The following SMIM8 variants were observed in gnomAD, a reference collection of about 807,000 sequenced individuals.
SMIM8 encodes the protein UPF0708 protein C6orf162.
SMIM8 carries 8 observed loss-of-function variants against 8.1 expected under a neutral mutation model. That is an observed-to-expected ratio of 0.99 (90% CI 0.58 to 1.78). The LOEUF is 1.78. Among genes scored for constraint, SMIM8 ranks in the 40% most tolerant of loss-of-function variants. SMIM8 has a pLI of 0.00. For synonymous variants in SMIM8, 45 were observed against 39.7 expected (o/e 1.13, Z -0.50); for missense variants, 126 against 119.8 (o/e 1.05, Z -0.24).
intron 2 of SMIM8, among the ~76,000 whole-genome samples, chr6:87,332,320 C>CATAT (rs1209129014): frequency 8.8e-4 from 82 of 93,106 alleles, no homozygotes; most frequent in African/African-American, 3.2e-3. Context: ...CCTCCCCCCC[C>CATAT]ATATATGTAT....
rs1313021647 is a variant in SMIM8, at chr6:87,328,547, T to C, written c.-44-2145T>C. Among the ~76,000 whole-genome samples the C allele has an allele frequency of 2.6e-5, 4 of 152,008 alleles. 1 individual carries two copies. Among genetic ancestry groups the C allele is most frequent in the African/African-American group, 9.7e-5 (4 of 41,278 alleles). On this transcript the variant is annotated intron_variant, in intron 1 of 3. Coordinates refer to ENST00000392863, the MANE Select transcript of SMIM8 (RefSeq NM_001042493.3). ...CAGTCTGCCCCTGCTGGAGGCTGCC[T>C]CCCAGTTAGGCTGCTCGGGGGTCAG...
chr6:87,333,832 T>G (rs759773059), intron 2 of SMIM8, among the ~76,000 whole-genome samples: 1 of 152,214 alleles, frequency 6.6e-6, no homozygotes, highest in Non-Finnish European at 1.5e-5. Context: ...TTTGCCAACC[T>G]TAGGAATTGT....
chr6:87,341,567 C>T lies in SMIM8; in HGVS notation c.*1293C>T, dbSNP rs764228351. Reference sequence around the variant, plus strand: ...CTTACCTCTGAAGTCTTGCTTCAGTCGCTATTAATATTACCAAGTAATAAT... The same window carrying T: ...CTTACCTCTGAAGTCTTGCTTCAGTTGCTATTAATATTACCAAGTAATAAT... On this transcript the variant is annotated 3_prime_UTR_variant, in exon 4 of 4. Coordinates refer to ENST00000392863, the MANE Select transcript of SMIM8 (RefSeq NM_001042493.3). 6.1e-5 allele frequency: 21 copies of T among 341,592 alleles called. No homozygotes were observed. The highest frequency in any genetic ancestry group is 1.5e-4 in the South Asian group (1 of 6,574). The allele number at this position is 341,592 out of a possible 1,614,324, so 21.2% of individuals were successfully genotyped here.
chr6:87,327,072 AGAGACTAG>A (rs1211146779), intron 1 of SMIM8, among the ~76,000 whole-genome samples: 1 of 150,922 alleles, frequency 6.6e-6, no homozygotes, highest in Admixed American at 6.6e-5. Context: ...CTGTTTTATC[AGAGACTAG>A]GATTGCAACC....
chr6:87,323,448 C>G (rs775305107), intron 1 of SMIM8, among the ~76,000 whole-genome samples: 1 of 123,648 alleles, frequency 8.1e-6, no homozygotes, highest in Non-Finnish European at 1.6e-5. Flanking sequence ...CAACAGACCT[C>G]AGAGTGTGAT....
chr6:87,328,399 T>G lies in SMIM8; in HGVS notation c.-44-2293T>G, dbSNP rs551597706. ...TTTGTGGTTTTATCTACTTTTTGTC[T>G]TTGTTGATGGTGATGTACAGATGGG... On this transcript the variant is annotated intron_variant, in intron 1 of 3. Transcript: ENST00000392863. 1.6e-3 allele frequency among the ~76,000 whole-genome samples: 251 copies of G among 152,228 alleles called. 7 individuals carry two copies. Among genetic ancestry groups the G allele is most frequent in the East Asian group, 0.015 (75 of 5,166 alleles).
At chr6:87,323,947 CTT>C (rs746305069) in intron 1 of SMIM8, among the ~76,000 whole-genome samples, 3 of 151,672 alleles carry the variant, frequency 2.0e-5, no homozygotes, top group Non-Finnish European at 4.4e-5. Flanking sequence ...TGTTTCCTGA[CTT>C]TTTAATGATT....
At chr6:87,325,564 A>G (rs1445178578) in intron 1 of SMIM8, among the ~76,000 whole-genome samples, 2 of 150,170 alleles carry the variant, frequency 1.3e-5, no homozygotes, top group Non-Finnish European at 3.0e-5. Context: ...ATGCTGGATT[A>G]CATTTATTGA....
At chr6:87,325,001 G>T (rs1776781454) in intron 1 of SMIM8, among the ~76,000 whole-genome samples, 1 of 151,906 alleles carries the variant, frequency 6.6e-6, no homozygotes, top group Non-Finnish European at 1.5e-5. Context: ...TTGTAAGTTG[G>T]ATTCCTAGGT....
chr6:87,325,365 C>T (rs2127915544), intron 1 of SMIM8, among the ~76,000 whole-genome samples: 1 of 143,578 alleles, frequency 7.0e-6, no homozygotes, highest in African/African-American at 2.7e-5. Context: ...GGGAATGCTT[C>T]CAGTTTTTGC....
chr6:87,334,895 A>G (rs1314208687), intron 2 of SMIM8, among the ~76,000 whole-genome samples: 1 of 152,198 alleles, frequency 6.6e-6, no homozygotes, highest in East Asian at 1.9e-4. Flanking sequence ...TGCTCTTGCC[A>G]GTAGACAATT....
At chr6:87,335,845 CAAAAAAAAAAAAAA>C (rs35840147) in intron 2 of SMIM8, among the ~76,000 whole-genome samples, 2 of 55,976 alleles carry the variant, frequency 3.6e-5, no homozygotes, top group Non-Finnish European at 6.5e-5. Flanking sequence ...CCGTCCCTAC[CAAAAAAAAAAAAAA>C]AAAAAAAAAA....
intron 2 of SMIM8, among the ~76,000 whole-genome samples, chr6:87,332,296 C>T (rs72918508): frequency 0.053 from 7,580 of 142,246 alleles, 252 homozygotes; most frequent in Non-Finnish European, 0.08. Flanking sequence ...CTCTCTTTCT[C>T]TTTCTCCTCC....
At chr6:87,334,374 A>G (rs1454598467) in intron 2 of SMIM8, among the ~76,000 whole-genome samples, 1 of 152,192 alleles carries the variant, frequency 6.6e-6, no homozygotes, top group Non-Finnish European at 1.5e-5. Flanking sequence ...AAAATTATTA[A>G]CTTACATGCA....
intron 1 of SMIM8, among the ~76,000 whole-genome samples, chr6:87,328,973 C>T (rs1582090586): frequency 6.6e-6 from 1 of 152,206 alleles, no homozygotes; most frequent in African/African-American, 2.4e-5. Context: ...TTTTTAAGCC[C>T]GTCGGAAAAG....
At position 87,322,963 on chromosome 6, in the gene SMIM8, A is replaced by G. The variant is rs923515386; in HGVS notation, c.-45+331A>G. On this transcript the variant is annotated intron_variant, in intron 1 of 3. Transcript: ENST00000392863. ...GTTTCTTAGTGTCTTGGCTCACCAG[A>G]CTCATAGGGGAACATGGTGGTGTTT... 4 of 151,586 alleles carry G rather than the reference A, an allele frequency of 2.6e-5. No homozygotes were observed. In the South Asian group the frequency reaches 8.4e-4, roughly 32 times the overall value. 9.4% of individuals were successfully genotyped at this position (151,586 alleles called of 1,614,324 possible). A position where few individuals can be genotyped will look rare whatever the true frequency, so the allele number is the denominator to read the frequency against.
At chr6:87,328,424 G>A (rs1776894697) in intron 1 of SMIM8, among the ~76,000 whole-genome samples, 1 of 151,966 alleles carries the variant, frequency 6.6e-6, no homozygotes, top group Middle Eastern at 3.2e-3. Context: ...GTACAGATGG[G>A]TTTTTGGTGT....
At chr6:87,323,285 T>A (rs963416303) in intron 1 of SMIM8, among the ~76,000 whole-genome samples, 5 of 152,128 alleles carry the variant, frequency 3.3e-5, no homozygotes, top group Non-Finnish European at 5.9e-5. Flanking sequence ...TTTATTTATT[T>A]GTTATTATTA....
At chr6:87,337,294 A>C in intron 3 of SMIM8, 128 bp downstream of exon 3, 1 of 985,806 alleles carries the variant, frequency 1.0e-6, no homozygotes, top group Non-Finnish European at 1.4e-6. Context: ...CTGTGAATAA[A>C]AGCAGGTGGA....
Sources: allele counts gnomAD v4.1 joint callset (sites outside exome capture counted in the v4.1 genomes callset), GRCh38; gene constraint gnomAD v4.1.1; transcripts MANE v1.5; gene names NCBI Gene and HGNC (gene_info 2026-07-23, HGNC 2026-07-21).